TRIM44: variants seen among roughly 807,000 people sequenced by gnomAD.
TRIM44 encodes tripartite motif-containing protein 44.
Under a neutral mutation model 37.4 loss-of-function variants are expected in TRIM44, and 13 were observed. That is an observed-to-expected ratio of 0.35 (90% CI 0.23 to 0.55). The LOEUF (loss-of-function observed/expected upper bound fraction) is 0.55, where lower values mean the gene tolerates loss of function less well. TRIM44 is among the 20% of genes least tolerant of loss of function. The probability of loss-of-function intolerance (pLI) is 0.89; values close to 1 mark genes in which losing one functional copy is unlikely to be tolerated. For missense variants in TRIM44, 426 were observed against 437.2 expected (o/e 0.97, Z 0.23); for synonymous variants, 175 against 157.2 (o/e 1.11, Z -0.85).
intron 4 of TRIM44, among the ~76,000 whole-genome samples, chr11:35,747,701 C>G (rs1852508456): frequency 6.6e-6 from 1 of 152,116 alleles, no homozygotes; most frequent in African/African-American, 2.4e-5. Context: ...TGAACAGGAA[C>G]TTCTCTCCCC....
rs543600755 is a variant in TRIM44, at chr11:35,743,036, A to G, written c.1007+7591A>G. Among the ~76,000 whole-genome samples the G allele has an allele frequency of 3.3e-5, 5 of 152,102 alleles. No homozygotes were observed. In the South Asian group the frequency reaches 6.2e-4, roughly 19 times the overall value. On this transcript the variant is annotated intron_variant, in intron 4 of 4. Transcript: ENST00000299413. Reference sequence around the variant, plus strand: ...AATGTTGGATGTAGAGTAGGTTCCAACTAACTCAGGATAAAGAATCAGAAA... The same window carrying G: ...AATGTTGGATGTAGAGTAGGTTCCAGCTAACTCAGGATAAAGAATCAGAAA...
At chr11:35,671,008 A>G (rs1851387612) in intron 1 of TRIM44, among the ~76,000 whole-genome samples, 1 of 152,218 alleles carries the variant, frequency 6.6e-6, no homozygotes, top group African/African-American at 2.4e-5. Flanking sequence ...ATATCTTGGA[A>G]CAGTAAAAGT....
intron 1 of TRIM44, among the ~76,000 whole-genome samples, chr11:35,666,440 TA>T (rs1379293228): frequency 6.6e-6 from 1 of 152,246 alleles, no homozygotes; most frequent in African/African-American, 2.4e-5. Context: ...ATTAAATTTA[TA>T]AGCCAATATA....
chr11:35,677,307 A>G (rs1234795323), intron 1 of TRIM44, among the ~76,000 whole-genome samples: 1 of 152,060 alleles, frequency 6.6e-6, no homozygotes, highest in Non-Finnish European at 1.5e-5. Flanking sequence ...TTTATTTTCT[A>G]TATGAAGGCA....
At chr11:35,796,842 A>G (rs1488419940) in intron 4 of TRIM44, among the ~76,000 whole-genome samples, 1 of 152,260 alleles carries the variant, frequency 6.6e-6, no homozygotes, top group Non-Finnish European at 1.5e-5. Context: ...TGGAACAGAT[A>G]GACCCATACA....
At chr11:35,736,472 C>T (rs542499357) in intron 4 of TRIM44, among the ~76,000 whole-genome samples, 1 of 152,336 alleles carries the variant, frequency 6.6e-6, no homozygotes, top group Admixed American at 6.5e-5. Flanking sequence ...TTACTGGAAT[C>T]AGGATTTGAC....
At chr11:35,712,519 A>C (rs1206595470) in intron 2 of TRIM44, among the ~76,000 whole-genome samples, 6 of 152,150 alleles carry the variant, frequency 3.9e-5, no homozygotes, top group Non-Finnish European at 8.8e-5. Context: ...AATAGATTAT[A>C]GTCATTTAAA....
chr11:35,785,848 A>G (rs1038723681), intron 4 of TRIM44, among the ~76,000 whole-genome samples: 1 of 152,224 alleles, frequency 6.6e-6, no homozygotes, highest in African/African-American at 2.4e-5. Context: ...ACTGGATAGT[A>G]AAGGTTTCTA....
chr11:35,790,943 A>G (rs905492507), intron 4 of TRIM44, among the ~76,000 whole-genome samples: 1 of 152,136 alleles, frequency 6.6e-6, no homozygotes, highest in African/African-American at 2.4e-5. Context: ...CCTTTCATAA[A>G]CGTCCACTTC....
At chr11:35,732,968 C>T (rs1277553364) in intron 3 of TRIM44, among the ~76,000 whole-genome samples, 1 of 152,140 alleles carries the variant, frequency 6.6e-6, no homozygotes, top group Non-Finnish European at 1.5e-5. Flanking sequence ...CTTTGTGTCC[C>T]ATCTTTTCTG....
chr11:35,702,706 G>C (rs1397721000), intron 2 of TRIM44, among the ~76,000 whole-genome samples: 3 of 152,146 alleles, frequency 2.0e-5, no homozygotes, highest in Non-Finnish European at 4.4e-5. Context: ...TTGAAGCCTA[G>C]GCTAAAAAAA....
chr11:35,719,625 C>T (rs981152470), intron 2 of TRIM44, among the ~76,000 whole-genome samples: 1 of 152,212 alleles, frequency 6.6e-6, no homozygotes, highest in Non-Finnish European at 1.5e-5. Flanking sequence ...TCACTATACC[C>T]AAGGTCATCT....
intron 4 of TRIM44, among the ~76,000 whole-genome samples, chr11:35,781,989 CAAATCGTT>C (rs1377505282): frequency 6.6e-6 from 1 of 152,176 alleles, no homozygotes; most frequent in Non-Finnish European, 1.5e-5. Context: ...AGTATTTCAA[CAAATCGTT>C]AATGAGTTAT....
At chr11:35,797,606 C>T (rs1286522198) in intron 4 of TRIM44, among the ~76,000 whole-genome samples, 1 of 152,130 alleles carries the variant, frequency 6.6e-6, no homozygotes, top group East Asian at 1.9e-4. Flanking sequence ...GGCACTTTAC[C>T]TCTGTAATTT....
At chr11:35,731,503 A>G (rs1255527386) in intron 3 of TRIM44, among the ~76,000 whole-genome samples, 1 of 152,182 alleles carries the variant, frequency 6.6e-6, no homozygotes, top group Non-Finnish European at 1.5e-5. Context: ...GTCTTTGTTC[A>G]TAAGGCATAT....
intron 4 of TRIM44, among the ~76,000 whole-genome samples, chr11:35,795,394 T>C (rs149576405): frequency 3.2e-4 from 49 of 151,996 alleles, no homozygotes; most frequent in Admixed American, 1.4e-3. Flanking sequence ...ACTCCAATAG[T>C]TCAAGCAGGA....
chr11:35,712,843 C>T (rs892914498), intron 2 of TRIM44, among the ~76,000 whole-genome samples: 2 of 152,152 alleles, frequency 1.3e-5, no homozygotes, highest in African/African-American at 4.8e-5. Flanking sequence ...AGATATAAAA[C>T]TTTATTGTGA....
chr11:35,784,642 A>G (rs1853106859), intron 4 of TRIM44, among the ~76,000 whole-genome samples: 2 of 152,372 alleles, frequency 1.3e-5, no homozygotes, highest in East Asian at 3.9e-4. Context: ...GTATACACAC[A>G]TATACAACAT....
intron 2 of TRIM44, among the ~76,000 whole-genome samples, chr11:35,721,102 C>T (rs1345595495): frequency 6.6e-6 from 1 of 152,030 alleles, no homozygotes; most frequent in Admixed American, 6.6e-5. Context: ...TGGGTTTTCA[C>T]CATGTTGGCC....
Sources: allele counts gnomAD v4.1 joint callset (sites outside exome capture counted in the v4.1 genomes callset), GRCh38; gene constraint gnomAD v4.1.1; transcripts MANE v1.5; gene names NCBI Gene and HGNC (gene_info 2026-07-23, HGNC 2026-07-21).